Variants in MYCT1 observed in about 807,000 individuals in gnomAD.
The protein encoded by MYCT1 is MYC target 1, also known as myc target protein 1.
In MYCT1, 12 loss-of-function variants were observed where a neutral mutation model predicts 15.0. The ratio of observed to expected loss-of-function variants is 0.80; its 90% CI spans 0.51 to 1.29. MYCT1 has a LOEUF of 1.29. Ranked by LOEUF, MYCT1 falls within the 50% of genes most tolerant of loss-of-function variation. MYCT1 has a pLI of 0.00. For missense variants in MYCT1, 287 were observed against 279.1 expected (o/e 1.03, Z -0.20); for synonymous variants, 104 against 102.7 (o/e 1.01, Z -0.07).
chr6:152,714,460 A>G (rs1161571140), intron 1 of MYCT1, among the ~76,000 whole-genome samples: 1 of 151,350 alleles, frequency 6.6e-6, no homozygotes, highest in Non-Finnish European at 1.5e-5. Flanking sequence ...TTTAAAATGT[A>G]TACCTATAAA....
intron 1 of MYCT1, among the ~76,000 whole-genome samples, chr6:152,716,621 C>T (rs2099723733): frequency 6.6e-6 from 1 of 152,020 alleles, no homozygotes; most frequent in Non-Finnish European, 1.5e-5. Flanking sequence ...ACGAACGTGG[C>T]TGTTATTATC....
intron 1 of MYCT1, among the ~76,000 whole-genome samples, chr6:152,713,895 T>G (rs1196698098): frequency 2.0e-5 from 3 of 152,168 alleles, no homozygotes; most frequent in Admixed American, 1.3e-4. Flanking sequence ...TTAAAAGGTT[T>G]GAAAACTGGA....
chr6:152,740,212 G>A, the MYCT1 span, among the ~76,000 whole-genome samples: 77 of 152,034 alleles, frequency 5.1e-4, no homozygotes, highest in African/African-American at 1.6e-3. Flanking sequence ...CACCATGCCC[G>A]GCTAATTTTG....
intron 1 of MYCT1, among the ~76,000 whole-genome samples, chr6:152,714,226 G>T (rs770486816): frequency 6.8e-6 from 1 of 146,390 alleles, no homozygotes; most frequent in South Asian, 2.2e-4. Flanking sequence ...CATCCTTGTC[G>T]TTCCAATTAG....
chr6:152,742,766 T>C, the MYCT1 span, among the ~76,000 whole-genome samples: 2 of 152,300 alleles, frequency 1.3e-5, no homozygotes, highest in African/African-American at 4.8e-5. Context: ...TGTATGATTG[T>C]ATATGTGTAA....
At chr6:152,716,289 T>A (rs923197681) in intron 1 of MYCT1, among the ~76,000 whole-genome samples, 1 of 152,182 alleles carries the variant, frequency 6.6e-6, no homozygotes, top group Non-Finnish European at 1.5e-5. Context: ...TAAATATTAT[T>A]CTCCCTAAAA....
downstream of MYCT1, among the ~76,000 whole-genome samples, chr6:152,727,924 TAGACGGAGACGGGC>T (rs1254852950): frequency 7.9e-5 from 12 of 151,958 alleles, no homozygotes; most frequent in African/African-American, 2.4e-4. Flanking sequence ...AGCACTTTGG[TAGACGGAGACGGGC>T]AGATCACTTG....
the MYCT1 span, among the ~76,000 whole-genome samples, chr6:152,742,697 C>T: frequency 2.0e-5 from 3 of 152,106 alleles, no homozygotes; most frequent in South Asian, 6.2e-4. Flanking sequence ...TTAGTGGATC[C>T]TCAGTTTTGT....
At chr6:152,721,090 C>T (rs2099724612) in intron 1 of MYCT1, among the ~76,000 whole-genome samples, 1 of 152,088 alleles carries the variant, frequency 6.6e-6, no homozygotes, top group African/African-American at 2.4e-5. Context: ...TGAGCTGGAA[C>T]CTGGGAAACA....
chr6:152,742,979 C>G, the MYCT1 span, among the ~76,000 whole-genome samples: 1 of 152,140 alleles, frequency 6.6e-6, no homozygotes, highest in Admixed American at 6.5e-5. Flanking sequence ...CTATCTAATA[C>G]TTAGGCTCAG....
chr6:152,703,945 ATTTTAT>A (rs1456568086), intron 1 of MYCT1, among the ~76,000 whole-genome samples: 1,639 of 30,574 alleles, frequency 0.054, 37 homozygotes, highest in East Asian at 0.098. Context: ...CCTGTTTTTT[ATTTTAT>A]TTTATTTTAT....
chr6:152,716,653 CT>C lies in MYCT1; in HGVS notation c.197-5087del, dbSNP rs200581647. 9.1e-3 allele frequency among the ~76,000 whole-genome samples: 1,386 copies of C among 152,222 alleles called. 17 individuals carry two copies. The highest frequency in any genetic ancestry group is 0.032 in the African/African-American group (1,321 of 41,528). On this transcript the variant is annotated intron_variant, in intron 1 of 1. Coordinates refer to ENST00000367245, the MANE Select transcript of MYCT1 (RefSeq NM_025107.3). ...TATCAGGCCAAGAAGGGTCAAATGA[CT>C]TGAGGAAATTACACAACTATTAGCA...
chr6:152,706,171 G>C, intron 1 of MYCT1: 1 of 1,149,664 alleles, frequency 8.7e-7, no homozygotes, highest in Non-Finnish European at 1.3e-6. Context: ...ACTGTGACAG[G>C]AAGCCCAAGG....
At chr6:152,735,956 TG>T in the MYCT1 span, among the ~76,000 whole-genome samples, 1 of 152,132 alleles carries the variant, frequency 6.6e-6, no homozygotes, top group Non-Finnish European at 1.5e-5. Context: ...CTCTTTGCAT[TG>T]TTATATGATA....
In MYCT1 at chr6:152,722,705, G is replaced by C; in HGVS notation, c.*452G>C. On this transcript the variant is annotated 3_prime_UTR_variant, in exon 2 of 2. Transcript: ENST00000367245. ...GATTTTACTTTCTTTAGAATGACAA[G>C]TGAATCATATTGACATTTTACAATC... is the stretch of plus-strand genomic sequence containing the variant. The C allele has an allele frequency of 2.9e-6, 1 of 343,382 alleles. No homozygotes were observed. Among genetic ancestry groups the C allele is most frequent in the South Asian group, 2.3e-5 (1 of 42,600 alleles). 21.3% of individuals were successfully genotyped at this position (343,382 alleles called of 1,614,324 possible).
At chr6:152,708,473 C>T (rs776567658) in intron 1 of MYCT1, among the ~76,000 whole-genome samples, 1 of 151,894 alleles carries the variant, frequency 6.6e-6, no homozygotes, top group Non-Finnish European at 1.5e-5. Flanking sequence ...GAGCCCAAAA[C>T]TTTGAGACCA....
chr6:152,706,880 T>C (rs1007506160), intron 1 of MYCT1, among the ~76,000 whole-genome samples: 3 of 151,786 alleles, frequency 2.0e-5, no homozygotes, highest in Admixed American at 6.6e-5. Flanking sequence ...TGTGTATGCA[T>C]ATATATGTCA....
At chr6:152,738,774 G>A in the MYCT1 span, among the ~76,000 whole-genome samples, 201 of 152,120 alleles carry the variant, frequency 1.3e-3, no homozygotes, top group African/African-American at 4.5e-3. Context: ...TCAGAAGGTT[G>A]GACTAATGTG....
the MYCT1 span, among the ~76,000 whole-genome samples, chr6:152,739,687 G>T: frequency 6.6e-6 from 1 of 151,780 alleles, no homozygotes; most frequent in African/African-American, 2.4e-5. Context: ...GAATGCTTTA[G>T]GTTTAGAAAA....
Sources: allele counts gnomAD v4.1 joint callset (sites outside exome capture counted in the v4.1 genomes callset), GRCh38; gene constraint gnomAD v4.1.1; transcripts MANE v1.5; gene names NCBI Gene and HGNC (gene_info 2026-07-23, HGNC 2026-07-21).